RBFOX1: variants seen among roughly 807,000 people sequenced by gnomAD.
RBFOX1 encodes the protein RNA binding protein fox-1 homolog 1.
A neutral mutation model predicts 57.7 loss-of-function variants in RBFOX1; 8 were observed. The ratio of observed to expected loss-of-function variants is 0.14; its 90% CI spans 0.08 to 0.25. The LOEUF (loss-of-function observed/expected upper bound fraction) is 0.25, where lower values mean the gene tolerates loss of function less well. RBFOX1 is among the 10% of genes least tolerant of loss of function. The pLI is 1.00. For missense variants in RBFOX1, 611 were observed against 548.5 expected (o/e 1.11, Z -1.14); for synonymous variants, 326 against 222.4 (o/e 1.47, Z -4.15).
At chr16:6,197,243 C>T (rs1356186148) in intron 1 of RBFOX1, among the ~76,000 whole-genome samples, 1 of 152,130 alleles carries the variant, frequency 6.6e-6, no homozygotes, top group African/African-American at 2.4e-5. Context: ...GGTGACTCCC[C>T]AAACTGAGAT....
chr16:5,341,867 G>A (rs1038035657), intron 1 of RBFOX1, among the ~76,000 whole-genome samples: 13 of 152,194 alleles, frequency 8.5e-5, no homozygotes, highest in African/African-American at 3.1e-4. Flanking sequence ...TCCCAGCAGA[G>A]CTGCTGTGTA....
intron 4 of RBFOX1, among the ~76,000 whole-genome samples, chr16:7,154,758 T>A (rs2076766295): frequency 6.6e-6 from 1 of 151,492 alleles, no homozygotes. Context: ...CCACATGTTG[T>A]ATACATGGAG....
At chr16:5,671,349 G>T in intron 3 of RBFOX1, among the ~76,000 whole-genome samples, 1 of 152,180 alleles carries the variant, frequency 6.6e-6, no homozygotes, top group East Asian at 1.9e-4. Context: ...AAGATGATCA[G>T]AGAGGGATGC....
At chr16:7,402,307 T>G (rs2098258285) in intron 4 of RBFOX1, among the ~76,000 whole-genome samples, 1 of 152,228 alleles carries the variant, frequency 6.6e-6, no homozygotes, top group African/African-American at 2.4e-5. Flanking sequence ...GCTAATAATT[T>G]CCTTTTGAAG....
intron 4 of RBFOX1, among the ~76,000 whole-genome samples, chr16:5,903,512 G>T (rs926097985): frequency 2.6e-5 from 4 of 152,130 alleles, no homozygotes; most frequent in African/African-American, 9.7e-5. Flanking sequence ...AAGCTCATTT[G>T]GACAGAAGGA....
intron 4 of RBFOX1, among the ~76,000 whole-genome samples, chr16:7,302,425 A>G (rs898318990): frequency 3.3e-5 from 5 of 152,036 alleles, no homozygotes; most frequent in Non-Finnish European, 5.9e-5. Context: ...TGTCGGGGTG[A>G]GCCCTGAGGA....
chr16:6,926,627 A>C (rs1186988793), intron 3 of RBFOX1, among the ~76,000 whole-genome samples: 1 of 152,164 alleles, frequency 6.6e-6, no homozygotes, highest in African/African-American at 2.4e-5. Context: ...CTTTGTCTTG[A>C]AGGTGTAGAA....
chr16:7,690,522 G>C (rs1275608733), intron 14 of RBFOX1, among the ~76,000 whole-genome samples: 2 of 152,180 alleles, frequency 1.3e-5, no homozygotes, highest in South Asian at 2.1e-4. Flanking sequence ...GGAAAATCAG[G>C]TGCATTTTGA....
intron 3 of RBFOX1, among the ~76,000 whole-genome samples, chr16:6,774,313 A>G (rs2078963493): frequency 6.6e-6 from 1 of 152,144 alleles, no homozygotes; most frequent in African/African-American, 2.4e-5. Flanking sequence ...CCCTCCAGGA[A>G]AGTATCAGAA....
At chr16:5,459,703 G>A (rs762293630) in intron 1 of RBFOX1, among the ~76,000 whole-genome samples, 2 of 151,760 alleles carry the variant, frequency 1.3e-5, no homozygotes, top group Admixed American at 6.6e-5. Context: ...CTTCCTCCCC[G>A]ACTCACAGCA....
At chr16:5,485,368 A>T (rs8058246) in intron 2 of RBFOX1, among the ~76,000 whole-genome samples, 2,517 of 148,718 alleles carry the variant, frequency 0.017, 95 homozygotes, top group African/African-American at 0.059. Flanking sequence ...AAAAAAAAAA[A>T]GTGAATAAGT....
intron 2 of RBFOX1, among the ~76,000 whole-genome samples, chr16:5,522,580 A>G (rs1448967010): frequency 6.6e-6 from 1 of 152,202 alleles, no homozygotes; most frequent in African/African-American, 2.4e-5. Context: ...ATTTTGAGAT[A>G]TACAGTACAT....
At chr16:5,641,896 A>G (rs1195909986) in intron 3 of RBFOX1, among the ~76,000 whole-genome samples, 1 of 152,172 alleles carries the variant, frequency 6.6e-6, no homozygotes, top group African/African-American at 2.4e-5. Flanking sequence ...GAGTTTGCTC[A>G]GGAGAAGGCT....
chr16:5,271,757 C>T (rs2063014831), intron 1 of RBFOX1, among the ~76,000 whole-genome samples: 1 of 152,182 alleles, frequency 6.6e-6, no homozygotes, highest in African/African-American at 2.4e-5. Flanking sequence ...CCCTACCTTT[C>T]CTGCGCCCCA....
At chr16:6,953,371 A>G (rs982962473) in intron 3 of RBFOX1, among the ~76,000 whole-genome samples, 3 of 104,708 alleles carry the variant, frequency 2.9e-5, no homozygotes, top group Non-Finnish European at 3.7e-5. Context: ...TCCCATATAC[A>G]TGATTTTTTT....
intron 2 of RBFOX1, among the ~76,000 whole-genome samples, chr16:6,385,048 C>T (rs562984749): frequency 6.6e-6 from 1 of 152,182 alleles, no homozygotes; most frequent in South Asian, 2.1e-4. Flanking sequence ...TCTCTCCCCT[C>T]ATTAAAGTTT....
At chr16:6,474,533 A>G (rs775055530) in intron 2 of RBFOX1, among the ~76,000 whole-genome samples, 3 of 152,202 alleles carry the variant, frequency 2.0e-5, no homozygotes, top group African/African-American at 7.2e-5. Flanking sequence ...TATGTTAAAT[A>G]AGCTTAGATT....
At chr16:6,821,529 C>T (rs943348758) in intron 3 of RBFOX1, among the ~76,000 whole-genome samples, 1 of 152,126 alleles carries the variant, frequency 6.6e-6, no homozygotes, top group African/African-American at 2.4e-5. Context: ...AAATCCCATG[C>T]CTATTAATCA....
At chr16:6,909,461 A>T (rs1161310076) in intron 3 of RBFOX1, among the ~76,000 whole-genome samples, 1 of 152,186 alleles carries the variant, frequency 6.6e-6, no homozygotes, top group African/African-American at 2.4e-5. Flanking sequence ...CCTTTCAGAG[A>T]TTACGATGCA....
Sources: gnomAD v4.1 joint callset for allele counts (sites outside exome capture counted in the v4.1 genomes callset) on GRCh38, gnomAD v4.1.1 for gene constraint, MANE v1.5 for transcripts, NCBI Gene and HGNC (gene_info 2026-07-23, HGNC 2026-07-21) for gene names.